SCFD2: variants seen among roughly 807,000 people sequenced by gnomAD.
The protein encoded by SCFD2 is sec1 family domain containing 2, also known as sec1 family domain-containing protein 2.
In SCFD2, 54 loss-of-function variants were observed where a neutral mutation model predicts 58.9. The ratio of observed to expected loss-of-function variants is 0.92; its 90% CI spans 0.74 to 1.15. The LOEUF is 1.15. Among genes scored for constraint, SCFD2 ranks in the 50% most tolerant of loss-of-function variants. The pLI, the probability that SCFD2 is intolerant of heterozygous loss-of-function variation, is 0.00. For missense variants in SCFD2, 805 were observed against 836.6 expected, an observed-to-expected ratio of 0.96 and a Z score of 0.47; for synonymous variants, 321 against 335.9, an observed-to-expected ratio of 0.96 and a Z score of 0.49.
chr4:52,974,476 C>T (rs1480485426), intron 5 of SCFD2, among the ~76,000 whole-genome samples: 1 of 152,096 alleles, frequency 6.6e-6, no homozygotes, highest in Non-Finnish European at 1.5e-5. Context: ...CATGAAGGAC[C>T]TCTTCAAGGA....
intron 5 of SCFD2, among the ~76,000 whole-genome samples, chr4:53,113,141 C>T (rs967750991): frequency 6.6e-6 from 1 of 152,078 alleles, no homozygotes; most frequent in African/African-American, 2.4e-5. Context: ...GAATTCAACT[C>T]AAACATTGCC....
intron 4 of SCFD2, among the ~76,000 whole-genome samples, chr4:53,195,630 C>T (rs1395782560): frequency 6.6e-6 from 1 of 152,132 alleles, no homozygotes; most frequent in African/African-American, 2.4e-5. Flanking sequence ...GCTAAGAATG[C>T]TAAAAACAGA....
intron 4 of SCFD2, among the ~76,000 whole-genome samples, chr4:53,184,744 T>C (rs1388106139): frequency 1.3e-5 from 2 of 152,226 alleles, no homozygotes; most frequent in Middle Eastern, 3.4e-3. Flanking sequence ...GTTTACTTCA[T>C]GTCAAGTATC....
At chr4:53,105,404 C>T (rs147286107) in intron 5 of SCFD2, among the ~76,000 whole-genome samples, 2 of 152,094 alleles carry the variant, frequency 1.3e-5, no homozygotes, top group African/African-American at 4.8e-5. Context: ...CAGATCCCAC[C>T]CCCATGGAGC....
chr4:53,019,157 AAAGAT>A (rs1722286779), intron 5 of SCFD2, among the ~76,000 whole-genome samples: 1 of 152,228 alleles, frequency 6.6e-6, no homozygotes, highest in South Asian at 2.1e-4. Context: ...GGAAGTAATC[AAAGAT>A]AAGGACAAAG....
At chr4:53,073,708 G>T (rs1332072033) in intron 5 of SCFD2, among the ~76,000 whole-genome samples, 3 of 148,438 alleles carry the variant, frequency 2.0e-5, no homozygotes, top group South Asian at 2.2e-4. Flanking sequence ...GCAATAAAGT[G>T]AATATTGCAA....
At chr4:53,136,373 T>G (rs1725942675) in intron 5 of SCFD2, among the ~76,000 whole-genome samples, 1 of 152,208 alleles carries the variant, frequency 6.6e-6, no homozygotes, top group Non-Finnish European at 1.5e-5. Context: ...GACTAGATAA[T>G]TGTTGAGAAC....
At chr4:53,110,172 G>T (rs986841485) in intron 5 of SCFD2, among the ~76,000 whole-genome samples, 2 of 152,162 alleles carry the variant, frequency 1.3e-5, no homozygotes, top group Non-Finnish European at 1.5e-5. Flanking sequence ...ACAGTGTTGG[G>T]AAAACTGGCT....
At chr4:53,226,891 T>C (rs1019880645) in intron 4 of SCFD2, among the ~76,000 whole-genome samples, 2 of 152,218 alleles carry the variant, frequency 1.3e-5, no homozygotes, top group African/African-American at 2.4e-5. Context: ...CTAAATTATT[T>C]TTAACACTCT....
At chr4:53,356,131 C>T (rs1471674131) in intron 1 of SCFD2, among the ~76,000 whole-genome samples, 1 of 152,172 alleles carries the variant, frequency 6.6e-6, no homozygotes, top group East Asian at 1.9e-4. Context: ...CTCAGTTCCT[C>T]ATTGGCTGTT....
At chr4:53,031,929 A>T (rs1229291569) in intron 5 of SCFD2, among the ~76,000 whole-genome samples, 1 of 152,176 alleles carries the variant, frequency 6.6e-6, no homozygotes, top group Non-Finnish European at 1.5e-5. Flanking sequence ...AATTCAGGAA[A>T]TACAGAGAAC....
At chr4:52,938,609 C>A (rs443054) in intron 5 of SCFD2, among the ~76,000 whole-genome samples, 19,812 of 151,936 alleles carry the variant, frequency 0.13, 2,686 homozygotes, top group African/African-American at 0.35. Flanking sequence ...TGTGATGAAC[C>A]CTTAAAATTA....
chr4:53,039,686 C>T (rs1722848887), intron 5 of SCFD2, among the ~76,000 whole-genome samples: 1 of 152,176 alleles, frequency 6.6e-6, no homozygotes, highest in Non-Finnish European at 1.5e-5. Flanking sequence ...GTAAGGGTGC[C>T]TCCTGTATAT....
intron 7 of SCFD2, among the ~76,000 whole-genome samples, chr4:52,907,143 C>T (rs1354448923): frequency 6.6e-6 from 1 of 152,166 alleles, no homozygotes; most frequent in Non-Finnish European, 1.5e-5. Flanking sequence ...TATGTGGATT[C>T]ATTTTAAGTG....
chr4:53,346,005 C>T (rs1035756904), intron 2 of SCFD2, among the ~76,000 whole-genome samples: 2 of 152,000 alleles, frequency 1.3e-5, no homozygotes, highest in East Asian at 3.9e-4. Context: ...ACGTAAATGA[C>T]GAGTTGATGG....
At chr4:53,091,491 G>A (rs1056252817) in intron 5 of SCFD2, among the ~76,000 whole-genome samples, 1 of 152,026 alleles carries the variant, frequency 6.6e-6, no homozygotes, top group Non-Finnish European at 1.5e-5. Context: ...TGTCTCTGAT[G>A]ATTTTCCAGT....
intron 5 of SCFD2, among the ~76,000 whole-genome samples, chr4:53,116,746 C>A (rs953772707): frequency 6.6e-6 from 1 of 152,162 alleles, no homozygotes; most frequent in African/African-American, 2.4e-5. Context: ...GATTTTCTTT[C>A]ATATCTGACA....
chr4:53,351,784 C>T (rs1734227732), intron 2 of SCFD2, among the ~76,000 whole-genome samples: 1 of 152,062 alleles, frequency 6.6e-6, no homozygotes, highest in Non-Finnish European at 1.5e-5. Flanking sequence ...TAAATATCTA[C>T]AAAAAGGCTA....
Position 53,012,836 on chromosome 4 carries a change from G to GTGTGTTTT in SCFD2, c.1562-91967_1562-91966insAAAACACA, listed in dbSNP as rs1553914338. Among the ~76,000 whole-genome samples, 577 of 145,104 alleles carry GTGTGTTTT rather than the reference G, an allele frequency of 4.0e-3. 4 individuals are homozygous for GTGTGTTTT. Among genetic ancestry groups the GTGTGTTTT allele is most frequent in the African/African-American group, 0.013 (534 of 39,644 alleles). ...TTTCTGTGTGTGTGTGTGTGTGTGT[G>GTGTGTTTT]TTTTTTTTTAAGAGAGAGAAAGCTA... On this transcript the variant is annotated intron_variant, in intron 5 of 8. Coordinates refer to ENST00000401642, the MANE Select transcript of SCFD2 (RefSeq NM_152540.4).
Sources: gnomAD v4.1 joint callset for allele counts (sites outside exome capture counted in the v4.1 genomes callset) on GRCh38, gnomAD v4.1.1 for gene constraint, MANE v1.5 for transcripts, NCBI Gene and HGNC (gene_info 2026-07-23, HGNC 2026-07-21) for gene names.